The following SIPA1L3 variants were observed in gnomAD, a reference collection of about 807,000 sequenced individuals.
SIPA1L3 encodes the protein signal induced proliferation associated 1 like 3, also known as signal-induced proliferation-associated 1-like protein 3.
Under a neutral mutation model 150.1 loss-of-function variants are expected in SIPA1L3, and 59 were observed. That is an observed-to-expected ratio of 0.39 (90% CI 0.32 to 0.49). The LOEUF (loss-of-function observed/expected upper bound fraction) is 0.49, where lower values mean the gene tolerates loss of function less well. Ranked by LOEUF, SIPA1L3 falls within the 20% of genes least tolerant of loss-of-function variation. The pLI is 0.86. For missense variants in SIPA1L3, 2,211 were observed against 2,489.5 expected, an observed-to-expected ratio of 0.89 and a Z score of 2.38; for synonymous variants, 1,070 against 1,077.6, an observed-to-expected ratio of 0.99 and a Z score of 0.14.
chr19:38,187,190 G>A (rs1400354977), intron 16 of SIPA1L3, among the ~76,000 whole-genome samples: 6 of 151,898 alleles, frequency 4.0e-5, no homozygotes, highest in South Asian at 2.1e-4. Context: ...GGTAGCTCAC[G>A]CCTATAATCC....
chr19:38,195,339 C>T (rs1364615025), intron 18 of SIPA1L3, among the ~76,000 whole-genome samples: 1 of 152,216 alleles, frequency 6.6e-6, no homozygotes, highest in African/African-American at 2.4e-5. Flanking sequence ...GTCCCAGCCC[C>T]CATCTCAACT....
chr19:38,207,832 G>T lies in SIPA1L3; in HGVS notation c.*1592G>T. ...GTTCTTATCGCGTCTCCTGTGATCA[G>T]CCTCTGGCCCCCTGGAGGAGGAAAC... On this transcript the variant is annotated 3_prime_UTR_variant, in exon 22 of 22. Transcript: ENST00000222345. 1 of 152,706 alleles carries T rather than the reference G, an allele frequency of 6.5e-6. No homozygotes were observed. Among genetic ancestry groups the T allele is most frequent in the Non-Finnish European group, 1.5e-5 (1 of 68,092 alleles). The allele number at this position is 152,706 out of a possible 1,614,324, so 9.5% of individuals were successfully genotyped here.
chr19:38,045,923 C>T (rs1054811683), intron 2 of SIPA1L3, among the ~76,000 whole-genome samples: 1 of 152,128 alleles, frequency 6.6e-6, no homozygotes, highest in African/African-American at 2.4e-5. Context: ...CTGGGAGCCA[C>T]AGAAGGGTTT....
intron 1 of SIPA1L3, among the ~76,000 whole-genome samples, chr19:37,950,067 A>G (rs1336594996): frequency 7.7e-6 from 1 of 129,712 alleles, no homozygotes; most frequent in Non-Finnish European, 1.5e-5. Context: ...ATGGAGCCAG[A>G]CTGTGTCTCA....
intron 6 of SIPA1L3, among the ~76,000 whole-genome samples, chr19:38,104,747 T>G (rs1255752175): frequency 6.6e-6 from 1 of 151,940 alleles, no homozygotes; most frequent in Non-Finnish European, 1.5e-5. Flanking sequence ...AATTGTGTAC[T>G]TTTAGTAGAG....
intron 1 of SIPA1L3, among the ~76,000 whole-genome samples, chr19:37,979,784 T>C (rs1220920117): frequency 6.6e-6 from 1 of 152,216 alleles, no homozygotes; most frequent in Non-Finnish European, 1.5e-5. Context: ...CCTTTAGTAA[T>C]GCGTGTTAGA....
Position 38,082,417 on chromosome 19 carries a change from G to C in SIPA1L3, c.852G>C (p.Arg284=), listed in dbSNP as rs1187473935. 2.8e-5 allele frequency: 45 copies of C among 1,596,804 alleles called. No homozygotes were observed. The highest frequency in any genetic ancestry group is 3.8e-5 in the Non-Finnish European group (45 of 1,175,626). ...LQPTKEKEKA[R]KKPARGLGGG... The stretch of plus-strand genomic sequence containing the variant: ...CCACGAAGGAGAAGGAGAAGGCCCG[G>C]AAGAAACCTGCGCGGGGCCTCGGCG... The change falls in exon 3 of 22, where the codon CGG becomes CGC. Residue 284 remains arginine (R), a synonymous_variant. Coordinates refer to ENST00000222345, the MANE Select transcript of SIPA1L3 (RefSeq NM_015073.3).
chr19:38,133,606 G>C (rs936113666), intron 10 of SIPA1L3, among the ~76,000 whole-genome samples: 2 of 152,180 alleles, frequency 1.3e-5, no homozygotes, highest in Admixed American at 1.3e-4. Flanking sequence ...GAGACAAACA[G>C]TAAACAAGTA....
At position 38,203,411 on chromosome 19, in the gene SIPA1L3, G is replaced by A. The variant is rs369109354; in HGVS notation, c.5121-716G>A. Among the ~76,000 whole-genome samples the A allele has an allele frequency of 4.3e-4, 66 of 152,330 alleles. No individual in the cohort carries two copies. The East Asian group carries it at 6.8e-3, about 16-fold the overall frequency. ...ACCGCCTCTGTGCCTGTGCACGCAC[G>A]GCATCCAGTGGAGCCTCCTTCAGCC... On this transcript the variant is annotated intron_variant, in intron 20 of 21. Transcript: ENST00000222345.
chr19:38,163,504 A>T (rs1047970938), intron 14 of SIPA1L3, among the ~76,000 whole-genome samples: 2 of 151,620 alleles, frequency 1.3e-5, no homozygotes, highest in African/African-American at 2.4e-5. Context: ...AAAAAAAAAA[A>T]AAAAAAACAG....
intron 1 of SIPA1L3, among the ~76,000 whole-genome samples, chr19:37,955,804 C>T (rs1328427339): frequency 4.6e-5 from 7 of 152,108 alleles, no homozygotes; most frequent in Non-Finnish European, 8.8e-5. Context: ...TACCATTATT[C>T]GTTAATGGAT....
At chr19:38,138,990 A>T (rs2384778) in intron 10 of SIPA1L3, among the ~76,000 whole-genome samples, 97,729 of 149,368 alleles carry the variant, frequency 0.65, 33,259 homozygotes, top group African/African-American at 0.85. Context: ...GAGGTCAGGC[A>T]TTCAAGACCA....
intron 1 of SIPA1L3, among the ~76,000 whole-genome samples, chr19:37,927,960 G>A (rs993294152): frequency 1.3e-5 from 2 of 152,086 alleles, no homozygotes; most frequent in African/African-American, 4.8e-5. Flanking sequence ...ATGGGCATCC[G>A]GGTTGATTCC....
chr19:37,955,507 T>C (rs1169362765), intron 1 of SIPA1L3, among the ~76,000 whole-genome samples: 1 of 152,232 alleles, frequency 6.6e-6, no homozygotes, highest in African/African-American at 2.4e-5. Context: ...GATATCCATC[T>C]TGTACCTCTT....
intron 1 of SIPA1L3, among the ~76,000 whole-genome samples, chr19:38,013,095 C>T (rs2145684055): frequency 6.6e-6 from 1 of 152,298 alleles, no homozygotes; most frequent in East Asian, 1.9e-4. Flanking sequence ...GAGTTTAAAA[C>T]AGCATGACCT....
At chr19:38,147,927 T>C (rs990158191) in intron 12 of SIPA1L3, among the ~76,000 whole-genome samples, 1 of 152,014 alleles carries the variant, frequency 6.6e-6, no homozygotes, top group Non-Finnish European at 1.5e-5. Flanking sequence ...GACCCTGACG[T>C]AGAACTTTGG....
chr19:38,158,199 C>G (rs909291791), intron 13 of SIPA1L3, among the ~76,000 whole-genome samples: 1 of 152,044 alleles, frequency 6.6e-6, no homozygotes, highest in African/African-American at 2.4e-5. Context: ...TGCCACTGCA[C>G]TCCAGCCTGG....
intron 1 of SIPA1L3, among the ~76,000 whole-genome samples, chr19:37,969,410 G>A (rs945768777): frequency 1.3e-5 from 2 of 151,836 alleles, no homozygotes; most frequent in African/African-American, 4.8e-5. Context: ...AAATTAGCTG[G>A]GCATGGTGGC....
chr19:38,003,163 T>C (rs759622279), intron 1 of SIPA1L3, among the ~76,000 whole-genome samples: 2 of 151,996 alleles, frequency 1.3e-5, no homozygotes, highest in Non-Finnish European at 2.9e-5. Context: ...AAAATAAGAC[T>C]GAAAACAGGA....
Sources: allele counts gnomAD v4.1 joint callset (sites outside exome capture counted in the v4.1 genomes callset), GRCh38; gene constraint gnomAD v4.1.1; transcripts MANE v1.5; gene names NCBI Gene and HGNC (gene_info 2026-07-23, HGNC 2026-07-21).